The following RANBP2 variants were observed in gnomAD, a reference collection of about 807,000 sequenced individuals.
RANBP2 encodes the protein E3 SUMO-protein ligase RanBP2.
RANBP2 carries 57 observed loss-of-function variants against 303.6 expected under a neutral mutation model. The ratio of observed to expected loss-of-function variants is 0.19; its 90% CI spans 0.15 to 0.23. The LOEUF (loss-of-function observed/expected upper bound fraction) is 0.23, where lower values mean the gene tolerates loss of function less well. Among genes scored for constraint, RANBP2 ranks in the 10% least tolerant of loss-of-function variants. The probability of loss-of-function intolerance (pLI) is 1.00; values close to 1 mark genes in which losing one functional copy is unlikely to be tolerated. For synonymous variants in RANBP2, 1,167 were observed against 1,301.5 expected, an observed-to-expected ratio of 0.90 and a Z score of 2.23; for missense variants, 3,138 against 3,780.8, an observed-to-expected ratio of 0.83 and a Z score of 4.46.
the RANBP2 span, among the ~76,000 whole-genome samples, chr2:109,234,754 A>G: frequency 6.6e-6 from 1 of 152,332 alleles, no homozygotes; most frequent in Admixed American, 6.5e-5. Context: ...AGCACACACC[A>G]CGTTTATTTG....
chr2:109,549,857 T>A, the RANBP2 span, among the ~76,000 whole-genome samples: 1 of 152,194 alleles, frequency 6.6e-6, no homozygotes, highest in African/African-American at 2.4e-5. Context: ...GAATGTGGTC[T>A]CTTTCTCTCT....
chr2:108,996,765 C>T, the RANBP2 span, among the ~76,000 whole-genome samples: 7 of 151,358 alleles, frequency 4.6e-5, no homozygotes, highest in South Asian at 2.1e-4. Flanking sequence ...AATCATAGCT[C>T]GTTTCTTGCT....
chr2:108,742,759 T>C (rs557233498), intron 7 of RANBP2, among the ~76,000 whole-genome samples: 2 of 152,294 alleles, frequency 1.3e-5, no homozygotes, highest in East Asian at 1.9e-4. Flanking sequence ...AAGGTTCTTA[T>C]AGAAATTCTC....
At chr2:109,186,555 T>A in the RANBP2 span, among the ~76,000 whole-genome samples, 1 of 152,228 alleles carries the variant, frequency 6.6e-6, no homozygotes, top group East Asian at 1.9e-4. Context: ...TTTTGACATT[T>A]CCAGCAACCA....
the RANBP2 span, among the ~76,000 whole-genome samples, chr2:108,950,219 C>T: frequency 0.3 from 42,880 of 142,778 alleles, 10,125 homozygotes; most frequent in East Asian, 0.94. Flanking sequence ...CTCCCTCCCT[C>T]CCTTCCTTCC....
the RANBP2 span, among the ~76,000 whole-genome samples, chr2:109,110,733 G>A: frequency 6.6e-6 from 1 of 152,160 alleles, no homozygotes; most frequent in Non-Finnish European, 1.5e-5. Context: ...CTGTTTCTCT[G>A]GTGTGGAGCT....
the RANBP2 span, chr2:108,896,945 C>T: frequency 3.7e-6 from 6 of 1,612,930 alleles, no homozygotes; most frequent in African/African-American, 8.0e-5. Context: ...GGTGGCACAA[C>T]CCCCGCCCAC....
At chr2:108,824,455 C>G in the RANBP2 span, among the ~76,000 whole-genome samples, 2 of 152,310 alleles carry the variant, frequency 1.3e-5, no homozygotes, top group East Asian at 3.9e-4. Flanking sequence ...TAATCAATAT[C>G]AGTGTCTTCC....
chr2:109,688,224 T>C, the RANBP2 span, among the ~76,000 whole-genome samples: 7 of 152,172 alleles, frequency 4.6e-5, 1 homozygote, highest in African/African-American at 1.7e-4. Flanking sequence ...AAGGCCCTCC[T>C]GAGGCCTATG....
At chr2:108,831,700 T>TTCCTTC in the RANBP2 span, among the ~76,000 whole-genome samples, 1 of 145,152 alleles carries the variant, frequency 6.9e-6, no homozygotes, top group African/African-American at 2.6e-5. Context: ...TGGCACAGAA[T>TTCCTTC]CTTCCTTCCT....
At chr2:109,454,892 C>T in the RANBP2 span, among the ~76,000 whole-genome samples, 1 of 151,760 alleles carries the variant, frequency 6.6e-6, no homozygotes, top group Non-Finnish European at 1.5e-5. Flanking sequence ...TTTTCACTCT[C>T]ACGACTTATG....
the RANBP2 span, among the ~76,000 whole-genome samples, chr2:109,259,868 G>A: frequency 3.9e-5 from 6 of 152,276 alleles, no homozygotes; most frequent in East Asian, 5.8e-4. Flanking sequence ...TGGGCCGGGC[G>A]CTGTGGGGAT....
At chr2:109,501,992 C>T in the RANBP2 span, 4 of 289,530 alleles carry the variant, frequency 1.4e-5, no homozygotes, top group African/African-American at 2.1e-5. Context: ...GCCATGGCAG[C>T]GTTCTCATTT....
chr2:109,489,944 G>A, the RANBP2 span, among the ~76,000 whole-genome samples: 4 of 152,162 alleles, frequency 2.6e-5, no homozygotes, highest in African/African-American at 9.7e-5. Flanking sequence ...CACCATGTTG[G>A]CCAGGCTGGT....
At chr2:109,290,888 C>A in the RANBP2 span, among the ~76,000 whole-genome samples, 3 of 152,242 alleles carry the variant, frequency 2.0e-5, no homozygotes, top group African/African-American at 7.2e-5. Context: ...TGTATATATT[C>A]TCTTCCTGTT....
At chr2:109,613,909 G>A in the RANBP2 span, 41 of 1,227,770 alleles carry the variant, frequency 3.3e-5, no homozygotes, top group Non-Finnish European at 3.1e-5. Context: ...CGGGAAGGCC[G>A]GAGGGCAGAA....
At chr2:108,993,103 G>A in the RANBP2 span, among the ~76,000 whole-genome samples, 3 of 152,344 alleles carry the variant, frequency 2.0e-5, no homozygotes, top group East Asian at 3.9e-4. Context: ...ATGGAATTGG[G>A]TGATACGGCG....
At chr2:109,067,719 C>A in the RANBP2 span, among the ~76,000 whole-genome samples, 1 of 152,212 alleles carries the variant, frequency 6.6e-6, no homozygotes, top group African/African-American at 2.4e-5. Flanking sequence ...CTCTCCTGGC[C>A]GCGCAATCCT....
At chr2:108,772,612 C>CT (rs1558932893) in intron 22 of RANBP2, 31 bp downstream of exon 22, 1 of 1,570,264 alleles carries the variant, frequency 6.4e-7, no homozygotes. Flanking sequence ...ATTTATAATG[C>CT]TTTTAACAAG....
Sources: allele counts gnomAD v4.1 joint callset (sites outside exome capture counted in the v4.1 genomes callset), GRCh38; gene constraint gnomAD v4.1.1; transcripts MANE v1.5; gene names NCBI Gene and HGNC (gene_info 2026-07-23, HGNC 2026-07-21).